Variants in CLTA observed in about 807,000 individuals in gnomAD.
The protein encoded by CLTA is clathrin, light polypeptide (Lca).
Under a neutral mutation model 26.9 loss-of-function variants are expected in CLTA, and 9 were observed. The observed-to-expected ratio is 0.33, with a 90% CI of 0.20 to 0.58. The LOEUF (loss-of-function observed/expected upper bound fraction) is 0.58, where lower values mean the gene tolerates loss of function less well. Among genes scored for constraint, CLTA ranks in the 20% least tolerant of loss-of-function variants. The probability of loss-of-function intolerance (pLI) is 0.85; values close to 1 mark genes in which losing one functional copy is unlikely to be tolerated. For missense variants in CLTA, 278 were observed against 294.2 expected (o/e 0.94, Z 0.40); for synonymous variants, 120 against 115.5 (o/e 1.04, Z -0.25).
At chr9:36,205,860 C>T (rs1343989389) in intron 4 of CLTA, among the ~76,000 whole-genome samples, 1 of 149,872 alleles carries the variant, frequency 6.7e-6, no homozygotes, top group African/African-American at 2.5e-5. Context: ...CCTGGATTCA[C>T]GCCATTCTCC....
In CLTA at chr9:36,190,921, C is replaced by T; in HGVS notation, c.-136C>T. 1.4e-6 allele frequency: 2 copies of T among 1,390,284 alleles called. No homozygotes were observed. Among genetic ancestry groups the T allele is most frequent in the Non-Finnish European group, 1.9e-6 (2 of 1,070,256 alleles). 86.1% of individuals were successfully genotyped at this position (1,390,284 alleles called of 1,614,324 possible). On this transcript the variant is annotated 5_prime_UTR_variant, in exon 1 of 5. Transcript: ENST00000345519. ...CCGACCGGATACACGGGTAGGGCTT[C>T]CGCTTTACCCGTCTCCCTCCTGGCG... is the stretch of plus-strand genomic sequence containing the variant.
chr9:36,192,931 C>T (rs1319897576), intron 1 of CLTA, among the ~76,000 whole-genome samples: 1 of 152,186 alleles, frequency 6.6e-6, no homozygotes, highest in Non-Finnish European at 1.5e-5. Context: ...CAGTGTTACC[C>T]TTACTGTTTT....
intron 1 of CLTA, among the ~76,000 whole-genome samples, chr9:36,196,065 C>G (rs1827011053): frequency 6.6e-6 from 1 of 152,072 alleles, no homozygotes; most frequent in Non-Finnish European, 1.5e-5. Flanking sequence ...CGTCTGAGGT[C>G]AGGAGTTCGA....
At chr9:36,195,924 C>T (rs571935111) in intron 1 of CLTA, among the ~76,000 whole-genome samples, 96 of 151,978 alleles carry the variant, frequency 6.3e-4, no homozygotes, top group African/African-American at 1.8e-3. Flanking sequence ...GCCGAGATCG[C>T]GCCAGTGTAC....
Position 36,191,152 on chromosome 9 carries a change from T to C in CLTA, c.96T>C (p.Ala32=), listed in dbSNP as rs2274524. Residue 32 remains alanine (A), a synonymous_variant, in exon 1 of 5, where the codon GCT becomes GCC. Coordinates refer to ENST00000345519, the MANE Select transcript of CLTA (RefSeq NM_001833.4). Reference sequence around the variant, plus strand: ...CCGGCGCCGGCGAAGAAGACCCGGCTGCGGCCTTCTTGGCGCAGCAAGAGA... The same window carrying C: ...CCGGCGCCGGCGAAGAAGACCCGGCCGCGGCCTTCTTGGCGCAGCAAGAGA... ...GVAGAGEEDP[A]AAFLAQQESE... 0.072 allele frequency: 115,680 copies of C among 1,598,626 alleles called. 5,737 individuals carry two copies. The highest frequency in any genetic ancestry group is 0.16 in the South Asian group (14,800 of 89,942).
rs75350221 is a variant in CLTA, at chr9:36,207,894, C to T, written c.486-3709C>T. 1.5e-3 allele frequency among the ~76,000 whole-genome samples: 222 copies of T among 152,298 alleles called. 1 individual carries two copies. The highest frequency in any genetic ancestry group is 5.1e-3 in the African/African-American group (210 of 41,562). On this transcript the variant is annotated intron_variant, in intron 4 of 4. Transcript: ENST00000345519. ...GTTATGGGTTTATAAGCCAGCCTGCCTTGCCTTTTCCTCCCACTCATTCTG... is the reference window on the plus strand; with the variant it reads ...GTTATGGGTTTATAAGCCAGCCTGCTTTGCCTTTTCCTCCCACTCATTCTG...
chr9:36,190,889 G>T, upstream of CLTA: 1 of 1,240,732 alleles, frequency 8.1e-7, no homozygotes, highest in Non-Finnish European at 1.1e-6. Flanking sequence ...CTGCAACACC[G>T]CCTAGACCGA....
chr9:36,190,912 G>C (rs1320970200), upstream of CLTA: 2 of 1,367,920 alleles, frequency 1.5e-6, no homozygotes, highest in South Asian at 1.6e-5. Flanking sequence ...GGATACACGG[G>C]TAGGGCTTCC....
Position 36,195,700 on chromosome 9 carries a change from C to G in CLTA, c.218-1851C>G, listed in dbSNP as rs942121622. 3.3e-5 allele frequency among the ~76,000 whole-genome samples: 5 copies of G among 152,284 alleles called. No individual in the cohort carries two copies. The South Asian group carries it at 6.2e-4, about 19-fold the overall frequency. ...ACATATCCTGGGCCAGGTGCGGTGG[C>G]TCACGCCTGAAATCCCAGCACTTTC... On this transcript the variant is annotated intron_variant, in intron 1 of 4. Coordinates refer to ENST00000345519, the MANE Select transcript of CLTA (RefSeq NM_001833.4).
At chr9:36,193,239 A>G (rs1023955388) in intron 1 of CLTA, among the ~76,000 whole-genome samples, 4 of 152,160 alleles carry the variant, frequency 2.6e-5, no homozygotes, top group Non-Finnish European at 4.4e-5. Context: ...GAAGTTGGTA[A>G]TATGCAGTGG....
chr9:36,196,753 A>T (rs1827071756), intron 1 of CLTA, among the ~76,000 whole-genome samples: 1 of 152,236 alleles, frequency 6.6e-6, no homozygotes, highest in Non-Finnish European at 1.5e-5. Flanking sequence ...CCAAAACTTT[A>T]TAGAGTGCTT....
chr9:36,203,908 A>G, intron 3 of CLTA, 160 bp from the exon 4 acceptor site: 1 of 541,372 alleles, frequency 1.8e-6, no homozygotes, highest in Non-Finnish European at 2.4e-6. Flanking sequence ...GCAAACAGAG[A>G]AAACAGAAGT....
At position 36,191,112 on chromosome 9, in the gene CLTA, TG is replaced by T; in HGVS notation, c.60del (p.Asn21ThrfsTer58). 6.3e-7 allele frequency: 1 copy of T among 1,599,944 alleles called. No individual in the cohort carries two copies. The highest frequency in any genetic ancestry group is 2.3e-5 in the East Asian group (1 of 43,930). On this transcript the variant is annotated frameshift_variant, in exon 1 of 5. Transcript: ENST00000345519. LOFTEE classifies it high-confidence loss of function. Reference sequence around the variant, plus strand: ...GCCGGCGCCCCTGGCGGTCCCGCGCTGGGGAACGGAGTGGCCGGCGCCGGCG... The same window carrying T: ...GCCGGCGCCCCTGGCGGTCCCGCGCTGGGAACGGAGTGGCCGGCGCCGGCG... Reference protein sequence around the residue: ...APAGAPGGPALGNGVAGAGEE... With the variant: ...APAGAPGGPAXGNGVAGAGEE...
chr9:36,199,216 T>A lies in CLTA; in HGVS notation c.373+120T>A. The A allele has an allele frequency of 3.4e-5, 25 of 732,912 alleles. No individual in the cohort carries two copies. In the South Asian group the frequency reaches 3.8e-4, roughly 11 times the overall value. The allele number at this position is 732,912 out of a possible 1,614,324, so 45.4% of individuals were successfully genotyped here. A position where few individuals can be genotyped will look rare whatever the true frequency, so the allele number is the denominator to read the frequency against. ...TCATTGTCTGGTCTTTGGGAAGATATCTTCTCAGCCTGAAGGTTACAAGGC... is the reference window on the plus strand; with the variant it reads ...TCATTGTCTGGTCTTTGGGAAGATAACTTCTCAGCCTGAAGGTTACAAGGC... On this transcript the variant is annotated intron_variant, in intron 3 of 4. Transcript: ENST00000345519.
intron 1 of CLTA, among the ~76,000 whole-genome samples, chr9:36,193,949 G>A (rs1826884093): frequency 6.6e-6 from 1 of 152,190 alleles, no homozygotes; most frequent in African/African-American, 2.4e-5. Context: ...CTGTTGAAAA[G>A]CTCTCAATCA....
intron 3 of CLTA, among the ~76,000 whole-genome samples, chr9:36,199,608 G>A (rs893687011): frequency 2.9e-5 from 4 of 136,696 alleles, no homozygotes; most frequent in African/African-American, 6.2e-5. Context: ...CCGCCACTAC[G>A]TCCCGCTCAT....
At chr9:36,196,791 G>A (rs1237365603) in intron 1 of CLTA, among the ~76,000 whole-genome samples, 1 of 152,148 alleles carries the variant, frequency 6.6e-6, no homozygotes, top group Non-Finnish European at 1.5e-5. Context: ...GGTGGCACAT[G>A]CCTTAAAGTG....
At chr9:36,198,893 CAG>C (rs1435535143) in intron 2 of CLTA, 84 bp from the exon 3 acceptor site, 5 of 390,300 alleles carry the variant, frequency 1.3e-5, no homozygotes, top group Non-Finnish European at 1.7e-5. Flanking sequence ...AAAAAAAAAA[CAG>C]AACCAGGGGT....
At chr9:36,210,659 C>A (rs1331001415) in intron 4 of CLTA, 3 of 1,614,050 alleles carry the variant, frequency 1.9e-6, no homozygotes, top group Non-Finnish European at 2.5e-6. Context: ...CAGCCTAGAA[C>A]AGTTAAGTAA....
Sources: allele counts gnomAD v4.1 joint callset (sites outside exome capture counted in the v4.1 genomes callset), GRCh38; gene constraint gnomAD v4.1.1; transcripts MANE v1.5; gene names NCBI Gene and HGNC (gene_info 2026-07-23, HGNC 2026-07-21).